Variants in XRN1 observed in about 807,000 individuals in gnomAD.
XRN1 encodes the protein 5'-3' exoribonuclease 1.
In XRN1, 67 loss-of-function variants were observed where a neutral mutation model predicts 222.3. The observed-to-expected ratio is 0.30, with a 90% CI of 0.25 to 0.37. XRN1 has a LOEUF of 0.37. XRN1 is among the 10% of genes least tolerant of loss of function. The probability of loss-of-function intolerance (pLI) is 1.00; values close to 1 mark genes in which losing one functional copy is unlikely to be tolerated. For synonymous variants in XRN1, 643 were observed against 652.4 expected (o/e 0.99, Z 0.22); for missense variants, 1,707 against 2,000.2 (o/e 0.85, Z 2.80).
Position 142,384,688 on chromosome 3 carries a change from A to T in XRN1, c.2340-3T>A. 6.3e-7 allele frequency: 1 copy of T among 1,578,728 alleles called. No homozygotes were observed. On this transcript the variant is annotated splice_region_variant and splice_polypyrimidine_tract_variant and intron_variant, in intron 20 of 40. Coordinates refer to ENST00000392981, the MANE Select transcript of XRN1 (RefSeq NM_001282857.2). ...TTATTCCTTTTCTTCTCAGGTAGCT[A>T]AAATAAAGAATAAACATGAAATATA...
chr3:142,439,911 C>T (rs1425510112), intron 1 of XRN1, among the ~76,000 whole-genome samples: 3 of 152,170 alleles, frequency 2.0e-5, no homozygotes, highest in Non-Finnish European at 2.9e-5. Flanking sequence ...AGAAATAAGC[C>T]GCCCCCTTGT....
intron 15 of XRN1, among the ~76,000 whole-genome samples, chr3:142,406,892 G>A (rs185233669): frequency 6.6e-6 from 1 of 152,300 alleles, no homozygotes; most frequent in East Asian, 1.9e-4. Flanking sequence ...CATCCAGTCA[G>A]CTTCCCTGCA....
At chr3:142,383,276 T>C in intron 22 of XRN1, 24 bp downstream of exon 22, 10 of 1,551,656 alleles carry the variant, frequency 6.4e-6, no homozygotes, top group Admixed American at 1.8e-5. Flanking sequence ...GAAAAATGTA[T>C]CAGTAACAAT....
chr3:142,405,196 A>G, intron 15 of XRN1, 120 bp from the exon 16 acceptor site: 1 of 924,540 alleles, frequency 1.1e-6, no homozygotes, highest in Non-Finnish European at 1.6e-6. Flanking sequence ...AAAACAAAAA[A>G]CCAAAATCTT....
intron 20 of XRN1, among the ~76,000 whole-genome samples, chr3:142,389,157 G>T (rs1343749435): frequency 6.6e-6 from 1 of 152,188 alleles, no homozygotes; most frequent in Non-Finnish European, 1.5e-5. Flanking sequence ...AGGTTGCAGT[G>T]AGCCGAGATC....
intron 2 of XRN1, among the ~76,000 whole-genome samples, chr3:142,431,912 A>ATTATATATATTATAT (rs1491093935): frequency 2.4e-5 from 1 of 41,406 alleles, no homozygotes; most frequent in East Asian, 6.8e-4. Flanking sequence ...TTATATATAT[A>ATTATATATATTATAT]AATATATATA....
At position 142,310,721 on chromosome 3, in the gene XRN1, AG is replaced by A. The variant is rs1396322421; in HGVS notation, c.*789del. The A allele has an allele frequency of 2.0e-5, 3 of 152,650 alleles. No individual in the cohort carries two copies. Among genetic ancestry groups the A allele is most frequent in the Non-Finnish European group, 4.4e-5 (3 of 68,024 alleles). The allele number at this position is 152,650 out of a possible 1,614,324, so 9.5% of individuals were successfully genotyped here. ...CTAATATTTCATATTTTATTTTGTTAGAAGATTAATTTGTAATCATTGTACC... is the reference window on the plus strand; with the variant it reads ...CTAATATTTCATATTTTATTTTGTTAAAGATTAATTTGTAATCATTGTACC... On this transcript the variant is annotated 3_prime_UTR_variant, in exon 41 of 41. Transcript: ENST00000392981.
intron 27 of XRN1, among the ~76,000 whole-genome samples, chr3:142,369,197 T>G (rs2107880084): frequency 6.6e-6 from 1 of 152,274 alleles, no homozygotes; most frequent in Non-Finnish European, 1.5e-5. Flanking sequence ...AAATAAAAAG[T>G]TGAAAAAGGC....
rs2069343191 is a variant in XRN1 at position 142,428,190 on chromosome 3, T to C, written c.309-1349A>G. 2.6e-5 allele frequency among the ~76,000 whole-genome samples: 4 copies of C among 151,940 alleles called. No individual in the cohort carries two copies. The South Asian group carries it at 8.3e-4, about 31-fold the overall frequency. On this transcript the variant is annotated intron_variant, in intron 2 of 40. Coordinates refer to ENST00000392981, the MANE Select transcript of XRN1 (RefSeq NM_001282857.2). The stretch of plus-strand genomic sequence containing the variant: ...GGTGGATTACCTAAGGTCAGGAGTT[T>C]GAGACCAGCCTGGCCAACATGGTGA...
At chr3:142,446,002 G>A (rs2070483022) in intron 1 of XRN1, among the ~76,000 whole-genome samples, 1 of 152,236 alleles carries the variant, frequency 6.6e-6, no homozygotes, top group East Asian at 1.9e-4. Flanking sequence ...TATCAACGGT[G>A]TCTAGAGACT....
intron 37 of XRN1, among the ~76,000 whole-genome samples, chr3:142,322,177 C>T (rs1307127480): frequency 1.3e-5 from 2 of 152,258 alleles, no homozygotes; most frequent in African/African-American, 4.8e-5. Flanking sequence ...GTCTGCGAGA[C>T]CCTTTCAGGG....
intron 19 of XRN1, among the ~76,000 whole-genome samples, chr3:142,399,698 A>G (rs2068055733): frequency 6.6e-6 from 1 of 152,012 alleles, no homozygotes; most frequent in South Asian, 2.1e-4. Context: ...CTGACTTCTC[A>G]TCAACATTAC....
chr3:142,325,612 TG>T (rs1166854463), intron 37 of XRN1, among the ~76,000 whole-genome samples: 1 of 152,294 alleles, frequency 6.6e-6, no homozygotes, highest in African/African-American at 2.4e-5. Flanking sequence ...TCTCCTCTTC[TG>T]TGTATTGTCT....
intron 1 of XRN1, among the ~76,000 whole-genome samples, chr3:142,444,786 T>C (rs771234271): frequency 2.6e-5 from 4 of 152,140 alleles, no homozygotes; most frequent in Non-Finnish European, 5.9e-5. Flanking sequence ...ACACACTGCA[T>C]GCCTGTACGA....
intron 5 of XRN1, among the ~76,000 whole-genome samples, chr3:142,423,930 T>A (rs1393347488): frequency 2.0e-5 from 3 of 152,146 alleles, no homozygotes. Flanking sequence ...TTCTCTTGGT[T>A]TTCACATATT....
intron 37 of XRN1, among the ~76,000 whole-genome samples, chr3:142,324,134 T>A (rs928228136): frequency 4.6e-5 from 7 of 151,974 alleles, no homozygotes; most frequent in Non-Finnish European, 7.4e-5. Flanking sequence ...TTAGGGTACA[T>A]GTGCACAACG....
intron 37 of XRN1, among the ~76,000 whole-genome samples, chr3:142,319,953 C>T (rs955971438): frequency 1.3e-5 from 2 of 152,060 alleles, no homozygotes; most frequent in Non-Finnish European, 2.9e-5. Context: ...TACCCACACA[C>T]ATTTTCTTTA....
At chr3:142,424,871 G>A (rs1010404581) in intron 5 of XRN1, among the ~76,000 whole-genome samples, 1 of 136,320 alleles carries the variant, frequency 7.3e-6, no homozygotes, top group Admixed American at 7.2e-5. Context: ...ATGCCAAAAA[G>A]TCTACTAAAG....
intron 15 of XRN1, among the ~76,000 whole-genome samples, chr3:142,407,942 T>C (rs370966014): frequency 6.6e-6 from 1 of 152,282 alleles, no homozygotes; most frequent in East Asian, 1.9e-4. Flanking sequence ...TATCTTCATT[T>C]GTAGCTTTAT....
Sources: gnomAD v4.1 joint callset for allele counts (sites outside exome capture counted in the v4.1 genomes callset) on GRCh38, gnomAD v4.1.1 for gene constraint, MANE v1.5 for transcripts, NCBI Gene and HGNC (gene_info 2026-07-23, HGNC 2026-07-21) for gene names.